PPP6R1: variants seen among roughly 807,000 people sequenced by gnomAD.
PPP6R1 encodes serine/threonine-protein phosphatase 6 regulatory subunit 1.
Under a neutral mutation model 104.6 loss-of-function variants are expected in PPP6R1, and 39 were observed. That is an observed-to-expected ratio of 0.37 (90% CI 0.29 to 0.49). The LOEUF is 0.49. Ranked by LOEUF, PPP6R1 falls within the 20% of genes least tolerant of loss-of-function variation. The pLI is 0.98. For synonymous variants in PPP6R1, 549 were observed against 479.0 expected (o/e 1.15, Z -1.91); for missense variants, 1,181 against 1,155.8 (o/e 1.02, Z -0.32).
chr19:55,240,728 G>A (rs1432708708), intron 10 of PPP6R1, among the ~76,000 whole-genome samples: 1 of 152,150 alleles, frequency 6.6e-6, no homozygotes, highest in African/African-American at 2.4e-5. Flanking sequence ...CCCACCCCTA[G>A]CTCTTCAGCT....
intron 1 of PPP6R1, among the ~76,000 whole-genome samples, chr19:55,255,324 C>T (rs1414502433): frequency 1.3e-5 from 2 of 152,160 alleles, no homozygotes; most frequent in African/African-American, 4.8e-5. Flanking sequence ...GACCAATGAA[C>T]GGATTTGAAA....
intron 17 of PPP6R1, among the ~76,000 whole-genome samples, chr19:55,235,518 C>T (rs12709949): frequency 0.93 from 137,584 of 148,330 alleles, 63,916 homozygotes; most frequent in African/African-American, 0.97. Context: ...GAATTAGATT[C>T]CTTTTTTTTT....
In PPP6R1 at chr19:55,239,683, C is replaced by T. The variant is rs528809495; in HGVS notation, c.1564G>A (p.Val522Met). 61 of 1,610,194 alleles carry T rather than the reference C, an allele frequency of 3.8e-5. No individual in the cohort carries two copies. The highest frequency in any genetic ancestry group is 1.7e-4 in the Middle Eastern group (1 of 6,046). ...ETNKKNMVDL[V>M]NTHHLHSSSD... ...GAGGAGTGTAGGTGGTGGGTGTTCA[C>T]CTGGGGAGAGGAGGGGGCGTCAGGG... is the stretch of plus-strand genomic sequence containing the variant. The change falls in exon 14 of 24, where the codon GTG becomes ATG. Residue 522 changes from valine to methionine, a missense_variant and splice_region_variant. Transcript: ENST00000412770.
chr19:55,232,343 G>A, intron 17 of PPP6R1, 132 bp from the exon 18 acceptor site: 1 of 1,381,114 alleles, frequency 7.2e-7, no homozygotes, highest in Non-Finnish European at 9.5e-7. Context: ...AGGGTCCAGG[G>A]AGCCTGGGGT....
Position 55,239,586 on chromosome 19 carries a change from A to C in PPP6R1, c.1653+8T>G, listed in dbSNP as rs766094000. On this transcript the variant is annotated splice_region_variant and intron_variant, in intron 14 of 23. Coordinates refer to ENST00000412770, the MANE Select transcript of PPP6R1 (RefSeq NM_014931.4). ...GCCCAGCACAGCCCCACATAGCCCCACGCCCACCTGCTGCAGCACAGCCTC... is the reference window on the plus strand; with the variant it reads ...GCCCAGCACAGCCCCACATAGCCCCCCGCCCACCTGCTGCAGCACAGCCTC... 6.2e-7 allele frequency: 1 copy of C among 1,610,694 alleles called. No homozygotes were observed.
intron 17 of PPP6R1, 60 bp downstream of exon 17, chr19:55,236,583 G>C: frequency 6.9e-7 from 1 of 1,443,972 alleles, no homozygotes; most frequent in Non-Finnish European, 9.1e-7. Flanking sequence ...GTGTTGGGGG[G>C]ACCCCTTGGC....
intron 15 of PPP6R1, chr19:55,239,082 T>G (rs924145477): frequency 2.7e-6 from 1 of 364,584 alleles, no homozygotes; most frequent in Non-Finnish European, 5.2e-6. Context: ...CCTGAGCCCC[T>G]CCCGCCTGGA....
Position 55,229,988 on chromosome 19 carries a change from G to C in PPP6R1, c.*540C>G. On this transcript the variant is annotated 3_prime_UTR_variant, in exon 24 of 24. Coordinates refer to ENST00000412770, the MANE Select transcript of PPP6R1 (RefSeq NM_014931.4). ...GGACTGGCCTGGTTGAAAGTGCAGG[G>C]TCTGGGCAAAGGCACGGCCCCCACT... 6.5e-6 allele frequency: 1 copy of C among 154,158 alleles called. No individual in the cohort carries two copies. The highest frequency in any genetic ancestry group is 1.9e-4 in the East Asian group (1 of 5,196). The allele number at this position is 154,158 out of a possible 1,614,324, so 9.5% of individuals were successfully genotyped here. A position where few individuals can be genotyped will look rare whatever the true frequency, so the allele number is the denominator to read the frequency against.
rs1410371142 is a variant in PPP6R1 at position 55,230,506 on chromosome 19, C to T, written c.*22G>A. The T allele has an allele frequency of 1.2e-6, 2 of 1,612,938 alleles. No individual in the cohort carries two copies. Among genetic ancestry groups the T allele is most frequent in the Non-Finnish European group, 1.7e-6 (2 of 1,179,756 alleles). On this transcript the variant is annotated 3_prime_UTR_variant, in exon 24 of 24. Coordinates refer to ENST00000412770, the MANE Select transcript of PPP6R1 (RefSeq NM_014931.4). Reference sequence around the variant, plus strand: ...ATCCACGGGAGGACGGAAGATTTGGCCGCCGCTGCCGCACCAGGCAGCTAT... The same window carrying T: ...ATCCACGGGAGGACGGAAGATTTGGTCGCCGCTGCCGCACCAGGCAGCTAT...
At chr19:55,240,353 G>A (rs1157390295) in intron 10 of PPP6R1, 53 bp from the exon 11 acceptor site, 2 of 1,531,126 alleles carry the variant, frequency 1.3e-6, no homozygotes, top group Admixed American at 1.9e-5. Context: ...ACACATGTGG[G>A]GAGCTCTGCA....
intron 1 of PPP6R1, among the ~76,000 whole-genome samples, chr19:55,254,905 C>T (rs1046904221): frequency 2.0e-5 from 3 of 152,222 alleles, no homozygotes; most frequent in African/African-American, 7.2e-5. Context: ...TAATGGCAAC[C>T]CCACCACCTC....
chr19:55,236,280 G>A (rs921615730), intron 17 of PPP6R1: 4 of 191,810 alleles, frequency 2.1e-5, no homozygotes, highest in Admixed American at 5.5e-5. Context: ...TCAACCTCCC[G>A]AGTAGCCAGG....
chr19:55,244,915 T>G (rs1454831894), intron 5 of PPP6R1, among the ~76,000 whole-genome samples: 1 of 152,090 alleles, frequency 6.6e-6, no homozygotes, highest in African/African-American at 2.4e-5. Flanking sequence ...AGCTAAGTTT[T>G]TACGTAGAGA....
intron 1 of PPP6R1, among the ~76,000 whole-genome samples, chr19:55,253,813 C>T (rs1293761038): frequency 4.6e-5 from 7 of 152,210 alleles, no homozygotes; most frequent in Admixed American, 3.3e-4. Flanking sequence ...AGAATCCCTG[C>T]GAATGGAGCA....
At chr19:55,231,030 G>A (rs2087340013) in intron 21 of PPP6R1, 146 bp from the exon 22 acceptor site, 1 of 704,854 alleles carries the variant, frequency 1.4e-6, no homozygotes, top group Non-Finnish European at 2.4e-6. Context: ...GACGCAGCTG[G>A]CTCAGCGTGG....
intron 1 of PPP6R1, among the ~76,000 whole-genome samples, chr19:55,258,129 A>T (rs1186323055): frequency 6.6e-6 from 1 of 152,222 alleles, no homozygotes; most frequent in Non-Finnish European, 1.5e-5. Flanking sequence ...GAGAGGCAAG[A>T]GAGCGGAGCT....
rs546473732 is a variant in PPP6R1, at chr19:55,251,069, T to C, written c.-6-3960A>G. 4.6e-5 allele frequency among the ~76,000 whole-genome samples: 7 copies of C among 152,298 alleles called. No homozygotes were observed. In the East Asian group the frequency reaches 1.4e-3, roughly 29 times the overall value. ...ACTTTCTCATCCTCAGATCTCTTAC[T>C]AAGCATTCACCTCACAGAAGGGCCT... is the stretch of plus-strand genomic sequence containing the variant. On this transcript the variant is annotated intron_variant, in intron 1 of 23. Transcript: ENST00000412770.
intron 17 of PPP6R1, among the ~76,000 whole-genome samples, chr19:55,235,231 C>G (rs1822252700): frequency 6.6e-6 from 1 of 151,326 alleles, no homozygotes; most frequent in Admixed American, 6.6e-5. Context: ...AACAATGTAA[C>G]ATTTGCACTA....
Position 55,239,410 on chromosome 19 carries a change from A to G in PPP6R1, c.1746T>C (p.Ser582=), listed in dbSNP as rs2087429188. The change falls in exon 15 of 24, where the codon AGT becomes AGC. Residue 582 remains serine, a synonymous_variant. Coordinates refer to ENST00000412770, the MANE Select transcript of PPP6R1 (RefSeq NM_014931.4). ...NDEEFGEQEE[S]VNAPFDKTAN... is the part of the protein sequence containing the mutation. ...CCTGCGCAGGAGACACTCACTTCAC[A>G]CTCTCCTCCTGCTCCCCAAACTCCT... The G allele has an allele frequency of 1.2e-6, 2 of 1,612,736 alleles. No individual in the cohort carries two copies. Among genetic ancestry groups the G allele is most frequent in the East Asian group, 2.2e-5 (1 of 44,848 alleles).
Sources: allele counts gnomAD v4.1 joint callset (sites outside exome capture counted in the v4.1 genomes callset), GRCh38; gene constraint gnomAD v4.1.1; transcripts MANE v1.5; gene names NCBI Gene and HGNC (gene_info 2026-07-23, HGNC 2026-07-21).